Variants in CDC73 observed in about 807,000 individuals in gnomAD.
CDC73 encodes parafibromin.
CDC73 carries 21 observed loss-of-function variants against 83.7 expected under a neutral mutation model. That is an observed-to-expected ratio of 0.25 (90% CI 0.18 to 0.36). The LOEUF (loss-of-function observed/expected upper bound fraction) is 0.36. Ranked by LOEUF, CDC73 falls within the 10% of genes least tolerant of loss-of-function variation. CDC73 has a pLI of 1.00. For missense variants in CDC73, 342 were observed against 653.3 expected, an observed-to-expected ratio of 0.52 and a Z score of 5.19; for synonymous variants, 224 against 212.9, an observed-to-expected ratio of 1.05 and a Z score of -0.45.
chr1:193,203,044 A>C (rs542286211), intron 10 of CDC73, among the ~76,000 whole-genome samples: 1 of 152,076 alleles, frequency 6.6e-6, no homozygotes, highest in Non-Finnish European at 1.5e-5. Flanking sequence ...TACACTTGCA[A>C]CTTTCTATAA....
chr1:193,180,491 G>C (rs1213591905), intron 10 of CDC73: 1 of 1,613,950 alleles, frequency 6.2e-7, no homozygotes, highest in Non-Finnish European at 8.5e-7. Flanking sequence ...TCATTGGGAG[G>C]GGGTACAGGA....
chr1:193,131,354 G>T (rs1375239142), intron 3 of CDC73, among the ~76,000 whole-genome samples: 1 of 152,062 alleles, frequency 6.6e-6, no homozygotes, highest in Non-Finnish European at 1.5e-5. Context: ...TCAACAAGTT[G>T]TTTTTTTCTC....
At chr1:193,191,952 C>T (rs1247483214) in intron 10 of CDC73, among the ~76,000 whole-genome samples, 1 of 152,078 alleles carries the variant, frequency 6.6e-6, no homozygotes, top group South Asian at 2.1e-4. Flanking sequence ...GCAAACCCAG[C>T]ATATTCTTGA....
chr1:193,122,423 T>G (rs1320324564), intron 1 of CDC73, 92 bp downstream of exon 1: 2 of 1,515,728 alleles, frequency 1.3e-6, no homozygotes, highest in Admixed American at 1.7e-5. Flanking sequence ...CCGTTTCCCC[T>G]GGGGATGGGA....
At chr1:193,125,998 C>T (rs188350892) in intron 2 of CDC73, among the ~76,000 whole-genome samples, 4 of 152,182 alleles carry the variant, frequency 2.6e-5, no homozygotes, top group Admixed American at 1.3e-4. Context: ...TCTTAGTGCA[C>T]GCTGGTAATC....
intron 10 of CDC73, chr1:193,185,970 A>G (rs1676799358): frequency 6.6e-6 from 1 of 152,204 alleles, no homozygotes; most frequent in African/African-American, 2.4e-5. Context: ...CCAGGGCTAT[A>G]AAAAGGTAAC....
chr1:193,200,450 A>C (rs568114482), intron 10 of CDC73, among the ~76,000 whole-genome samples: 1 of 152,328 alleles, frequency 6.6e-6, no homozygotes. Context: ...TGTAAACAGC[A>C]TACTTTGTTT....
chr1:193,212,938 A>C (rs990401537), intron 13 of CDC73, among the ~76,000 whole-genome samples: 7 of 152,154 alleles, frequency 4.6e-5, no homozygotes, highest in Admixed American at 2.0e-4. Context: ...CAAATGCTTA[A>C]CTTTTCAAAA....
chr1:193,188,715 T>C (rs896393284), intron 10 of CDC73, among the ~76,000 whole-genome samples: 3 of 152,088 alleles, frequency 2.0e-5, no homozygotes, highest in African/African-American at 4.8e-5. Context: ...TGGATTATTA[T>C]AGATTTTGAT....
At chr1:193,131,993 AGTT>A (rs1367066422) in intron 3 of CDC73, among the ~76,000 whole-genome samples, 1 of 152,222 alleles carries the variant, frequency 6.6e-6, no homozygotes, top group African/African-American at 2.4e-5. Context: ...GGGGACAGAC[AGTT>A]GTTTGTCTTG....
At chr1:193,124,547 T>C (rs997766687) in intron 1 of CDC73, among the ~76,000 whole-genome samples, 1 of 152,206 alleles carries the variant, frequency 6.6e-6, no homozygotes. Context: ...TTAGAGATCT[T>C]GCACCGTTAG....
chr1:193,177,652 T>C (rs758916216), intron 10 of CDC73, among the ~76,000 whole-genome samples: 3 of 152,112 alleles, frequency 2.0e-5, no homozygotes, highest in Non-Finnish European at 2.9e-5. Context: ...TTCCTGAGGG[T>C]TGTATGAGAT....
chr1:193,144,866 A>G (rs1483223535), intron 7 of CDC73, among the ~76,000 whole-genome samples: 1 of 151,678 alleles, frequency 6.6e-6, no homozygotes, highest in African/African-American at 2.4e-5. Flanking sequence ...CTTGAAGGAA[A>G]GCAACTGATA....
chr1:193,145,099 G>A (rs911434702), intron 7 of CDC73, among the ~76,000 whole-genome samples: 2 of 152,046 alleles, frequency 1.3e-5, no homozygotes, highest in Non-Finnish European at 2.9e-5. Flanking sequence ...GTTAATATTT[G>A]GAAAATGTGC....
At position 193,251,637 on chromosome 1, in the gene CDC73, C is replaced by A. The variant is rs1678044223; in HGVS notation, c.*925C>A. The A allele has an allele frequency of 4.3e-6, 1 of 231,862 alleles. No individual in the cohort carries two copies. Among genetic ancestry groups the A allele is most frequent in the African/African-American group, 2.2e-5 (1 of 45,178 alleles). The allele number at this position is 231,862 out of a possible 1,614,324, so 14.4% of individuals were successfully genotyped here. On this transcript the variant is annotated 3_prime_UTR_variant, in exon 17 of 17. Coordinates refer to ENST00000367435, the MANE Select transcript of CDC73 (RefSeq NM_024529.5). ...ATTATCCCTAAATATTGATAAACTC[C>A]CAGGCACCAAAGAAAACATTTGCTT...
intron 10 of CDC73, among the ~76,000 whole-genome samples, chr1:193,185,555 A>C (rs1676792403): frequency 6.6e-6 from 1 of 152,016 alleles, no homozygotes; most frequent in African/African-American, 2.4e-5. Context: ...TTGTTTTAAA[A>C]GGACTTTGAA....
In CDC73 at chr1:193,249,891, A is replaced by G. The variant is rs1281829953; in HGVS notation, c.1559+20A>G. 30 of 1,610,240 alleles carry G rather than the reference A, an allele frequency of 1.9e-5. No homozygotes were observed. The highest frequency in any genetic ancestry group is 2.4e-5 in the Non-Finnish European group (28 of 1,176,946). On this transcript the variant is annotated intron_variant, in intron 16 of 16. Transcript: ENST00000367435. Reference sequence around the variant, plus strand: ...GGACAGGTAATTCCGATTCTAAAATATGCTTGTGTGTGTTTTATTGTAATT... The same window carrying G: ...GGACAGGTAATTCCGATTCTAAAATGTGCTTGTGTGTGTTTTATTGTAATT...
chr1:193,133,072 T>C (rs1430243385), intron 3 of CDC73, among the ~76,000 whole-genome samples: 3 of 151,876 alleles, frequency 2.0e-5, no homozygotes, highest in Non-Finnish European at 4.4e-5. Context: ...TGGCTAACTT[T>C]TTGTATTTTT....
chr1:193,149,600 A>C (rs1233436428), intron 8 of CDC73, among the ~76,000 whole-genome samples: 1 of 152,334 alleles, frequency 6.6e-6, no homozygotes, highest in Admixed American at 6.5e-5. Flanking sequence ...GTATATGCCT[A>C]GTGTGAAGTA....
Sources: allele counts gnomAD v4.1 joint callset (sites outside exome capture counted in the v4.1 genomes callset), GRCh38; gene constraint gnomAD v4.1.1; transcripts MANE v1.5; gene names NCBI Gene and HGNC (gene_info 2026-07-23, HGNC 2026-07-21).